Variants in MAGI2 observed in about 807,000 individuals in gnomAD.
The protein encoded by MAGI2 is membrane associated guanylate kinase, WW and PDZ domain containing 2.
In MAGI2, 35 loss-of-function variants were observed where a neutral mutation model predicts 133.3. That is an observed-to-expected ratio of 0.26 (90% confidence interval 0.20 to 0.35). The LOEUF (loss-of-function observed/expected upper bound fraction) is 0.35. Among genes scored for constraint, MAGI2 ranks in the 10% least tolerant of loss-of-function variants. The probability of loss-of-function intolerance (pLI) is 1.00; values close to 1 mark genes in which losing one functional copy is unlikely to be tolerated. For synonymous variants in MAGI2, 729 were observed against 710.6 expected, an observed-to-expected ratio of 1.03 and a Z score of -0.41; for missense variants, 1,636 against 1,863.4, an observed-to-expected ratio of 0.88 and a Z score of 2.25.
intron 6 of MAGI2, among the ~76,000 whole-genome samples, chr7:78,403,909 G>C (rs1373319675): frequency 6.6e-6 from 1 of 152,140 alleles, no homozygotes; most frequent in African/African-American, 2.4e-5. Flanking sequence ...TGTGTATTTA[G>C]AAAACCCCAT....
At chr7:79,142,863 C>T (rs564516831) in intron 1 of MAGI2, among the ~76,000 whole-genome samples, 10 of 152,248 alleles carry the variant, frequency 6.6e-5, no homozygotes, top group Admixed American at 2.0e-4. Flanking sequence ...TGGAAAGTTT[C>T]CATGCGATAA....
chr7:78,659,181 G>T (rs1563311444), intron 2 of MAGI2, among the ~76,000 whole-genome samples: 1 of 152,050 alleles, frequency 6.6e-6, no homozygotes, highest in Admixed American at 6.6e-5. Flanking sequence ...GCCGGGCGCG[G>T]TGACTCACGC....
intron 6 of MAGI2, among the ~76,000 whole-genome samples, chr7:78,474,143 A>G (rs965834721): frequency 1.3e-5 from 2 of 151,278 alleles, no homozygotes; most frequent in African/African-American, 2.4e-5. Context: ...TGATATGACT[A>G]TAAGATTAAA....
chr7:79,277,410 G>A lies in MAGI2; in HGVS notation c.301+175610C>T, dbSNP rs959128506. Among the ~76,000 whole-genome samples the A allele has an allele frequency of 3.9e-5, 6 of 151,948 alleles. No individual in the cohort carries two copies. In the South Asian group the frequency reaches 6.3e-4, roughly 16 times the overall value. On this transcript the variant is annotated intron_variant, in intron 1 of 21. Transcript: ENST00000354212. Reference sequence around the variant, plus strand: ...TGTAAACATAACTTTTATATACACCGGGAAACAAAACAAACTGTGATTCTA... The same window carrying A: ...TGTAAACATAACTTTTATATACACCAGGAAACAAAACAAACTGTGATTCTA...
Position 78,315,783 on chromosome 7 carries a change from T to A in MAGI2, c.1408+27995A>T, listed in dbSNP as rs530362912. Among the ~76,000 whole-genome samples the A allele has an allele frequency of 2.4e-4, 37 of 152,242 alleles. 1 individual carries two copies. The highest frequency in any genetic ancestry group is 7.4e-5 in the Non-Finnish European group (5 of 68,022). ...CGTTTGTCTCTATTCATTTCTATTTTATAGGTAGTAAGTTTCTACCTTTAG... is the reference window on the plus strand; with the variant it reads ...CGTTTGTCTCTATTCATTTCTATTTAATAGGTAGTAAGTTTCTACCTTTAG... On this transcript the variant is annotated intron_variant, in intron 9 of 21. Transcript: ENST00000354212.
chr7:78,247,461 A>G (rs1277979529), intron 10 of MAGI2, among the ~76,000 whole-genome samples: 1 of 152,240 alleles, frequency 6.6e-6, no homozygotes, highest in Non-Finnish European at 1.5e-5. Context: ...AGGGAAATTT[A>G]TAAATTGTCT....
intron 3 of MAGI2, among the ~76,000 whole-genome samples, chr7:78,564,244 T>C (rs189610514): frequency 1.8e-4 from 27 of 152,334 alleles, no homozygotes; most frequent in Non-Finnish European, 2.1e-4. Flanking sequence ...GCTTTAATGT[T>C]ATTCTGCTCA....
chr7:79,352,099 G>A (rs191009969), intron 1 of MAGI2, among the ~76,000 whole-genome samples: 2 of 152,004 alleles, frequency 1.3e-5, no homozygotes, highest in East Asian at 3.9e-4. Flanking sequence ...TCACCTATTG[G>A]TAAAGAATAA....
intron 2 of MAGI2, among the ~76,000 whole-genome samples, chr7:78,975,544 T>C (rs1195178366): frequency 6.6e-6 from 1 of 151,654 alleles, no homozygotes; most frequent in African/African-American, 2.4e-5. Context: ...GAGGGAAATT[T>C]ATAGTAACAA....
intron 1 of MAGI2, among the ~76,000 whole-genome samples, chr7:79,369,015 C>T (rs527772825): frequency 1.9e-4 from 29 of 151,948 alleles, no homozygotes; most frequent in Non-Finnish European, 3.4e-4. Flanking sequence ...AAATATAAGA[C>T]GAAAGCATTC....
At chr7:79,070,576 C>T (rs1436263207) in intron 1 of MAGI2, among the ~76,000 whole-genome samples, 1 of 151,910 alleles carries the variant, frequency 6.6e-6, no homozygotes, top group Non-Finnish European at 1.5e-5. Context: ...ACTGCAAGCT[C>T]CACCTCCCGG....
chr7:79,194,071 G>A (rs1050226902), intron 1 of MAGI2, among the ~76,000 whole-genome samples: 6 of 151,852 alleles, frequency 4.0e-5, no homozygotes, highest in African/African-American at 1.5e-4. Context: ...GTATTCAGCT[G>A]GTTGGAAAAT....
At chr7:78,197,655 T>A (rs1205296281) in intron 11 of MAGI2, among the ~76,000 whole-genome samples, 1 of 152,216 alleles carries the variant, frequency 6.6e-6, no homozygotes, top group Non-Finnish European at 1.5e-5. Context: ...AAGAGTCCAG[T>A]TCATGCTTAG....
At chr7:78,210,858 G>A (rs1033852465) in intron 10 of MAGI2, among the ~76,000 whole-genome samples, 5 of 152,222 alleles carry the variant, frequency 3.3e-5, no homozygotes, top group Non-Finnish European at 5.9e-5. Context: ...GGTGACCTCA[G>A]TGGAAGCAGT....
chr7:78,271,328 T>C (rs1274985622), intron 9 of MAGI2, among the ~76,000 whole-genome samples: 3 of 152,152 alleles, frequency 2.0e-5, no homozygotes, highest in Admixed American at 2.0e-4. Context: ...AGGATAAGCT[T>C]TTTGACGTGC....
At chr7:78,215,960 A>G (rs1788232093) in intron 10 of MAGI2, among the ~76,000 whole-genome samples, 2 of 152,190 alleles carry the variant, frequency 1.3e-5, no homozygotes, top group East Asian at 1.9e-4. Context: ...ATTTTGGCAC[A>G]ATTTTTCTGG....
chr7:78,793,503 T>C (rs1349260532), intron 2 of MAGI2, among the ~76,000 whole-genome samples: 1 of 152,144 alleles, frequency 6.6e-6, no homozygotes, highest in Non-Finnish European at 1.5e-5. Flanking sequence ...ATCATGGAGA[T>C]AGAATAATTT....
chr7:79,009,462 A>C (rs939229055), intron 1 of MAGI2, among the ~76,000 whole-genome samples: 1 of 152,046 alleles, frequency 6.6e-6, no homozygotes, highest in African/African-American at 2.4e-5. Context: ...CTTTCCTCCT[A>C]TTTCCCAAAT....
chr7:78,930,894 G>A (rs889777103), intron 2 of MAGI2, among the ~76,000 whole-genome samples: 1 of 152,104 alleles, frequency 6.6e-6, no homozygotes, highest in Non-Finnish European at 1.5e-5. Flanking sequence ...TGAGCAGTTA[G>A]TACGGAAATA....
Sources: gnomAD v4.1 joint callset for allele counts (sites outside exome capture counted in the v4.1 genomes callset) on GRCh38, gnomAD v4.1.1 for gene constraint, MANE v1.5 for transcripts, NCBI Gene and HGNC (gene_info 2026-07-23, HGNC 2026-07-21) for gene names.